The following KIFAP3 variants were observed in gnomAD, a reference collection of about 807,000 sequenced individuals.
The protein encoded by KIFAP3 is kinesin associated protein 3, also known as kinesin-associated protein 3.
Under a neutral mutation model 106.5 loss-of-function variants are expected in KIFAP3, and 68 were observed. The observed-to-expected ratio is 0.64, with a 90% CI of 0.53 to 0.78. The LOEUF (loss-of-function observed/expected upper bound fraction) is 0.78, where lower values mean the gene tolerates loss of function less well. Ranked by LOEUF, KIFAP3 falls within the 30% of genes least tolerant of loss-of-function variation. The probability of loss-of-function intolerance (pLI) is 0.00; values close to 1 mark genes in which losing one functional copy is unlikely to be tolerated. For missense variants in KIFAP3, 780 were observed against 941.8 expected (o/e 0.83, Z 2.25); for synonymous variants, 320 against 311.5 (o/e 1.03, Z -0.29).
At chr1:169,958,912 A>T (rs1386517815) in intron 18 of KIFAP3, among the ~76,000 whole-genome samples, 1 of 152,202 alleles carries the variant, frequency 6.6e-6, no homozygotes, top group Admixed American at 6.5e-5. Flanking sequence ...ATTTCACATA[A>T]TACTAAGATT....
chr1:169,994,355 T>TTA (rs1667268081), intron 10 of KIFAP3, among the ~76,000 whole-genome samples: 1 of 152,210 alleles, frequency 6.6e-6, no homozygotes, highest in African/African-American at 2.4e-5. Context: ...TTCAACATTT[T>TTA]TATATCACAA....
chr1:170,055,267 T>C (rs746741889), intron 2 of KIFAP3, 38 bp downstream of exon 2: 2 of 1,560,294 alleles, frequency 1.3e-6, no homozygotes, highest in African/African-American at 1.4e-5. Flanking sequence ...TTATATAATG[T>C]TCACTACTTT....
intron 10 of KIFAP3, among the ~76,000 whole-genome samples, chr1:170,005,266 A>G (rs1190412633): frequency 4.6e-5 from 7 of 152,202 alleles, no homozygotes; most frequent in Non-Finnish European, 8.8e-5. Context: ...GTGGGACTGT[A>G]AACTAGTTCA....
chr1:170,058,389 G>T (rs1670960115), intron 1 of KIFAP3, among the ~76,000 whole-genome samples: 1 of 152,074 alleles, frequency 6.6e-6, no homozygotes, highest in African/African-American at 2.4e-5. Context: ...CTCTCCATAT[G>T]CTCTCTGGCA....
chr1:169,965,957 T>C (rs1252197837), intron 17 of KIFAP3, among the ~76,000 whole-genome samples: 1 of 151,906 alleles, frequency 6.6e-6, no homozygotes, highest in African/African-American at 2.4e-5. Flanking sequence ...CCCTTACACA[T>C]TCCTTTAAAA....
chr1:170,081,147 A>G (rs1374055567), intron 1 of KIFAP3, among the ~76,000 whole-genome samples: 1 of 152,216 alleles, frequency 6.6e-6, no homozygotes, highest in Non-Finnish European at 1.5e-5. Context: ...CCATAAATCT[A>G]TATGACAAAA....
chr1:169,987,495 T>C (rs1440465888), intron 11 of KIFAP3, among the ~76,000 whole-genome samples: 2 of 152,052 alleles, frequency 1.3e-5, no homozygotes, highest in Non-Finnish European at 2.9e-5. Flanking sequence ...CTTTGAATGA[T>C]TATACCAGAA....
At chr1:170,005,813 A>C (rs1253281503) in intron 10 of KIFAP3, among the ~76,000 whole-genome samples, 1 of 151,524 alleles carries the variant, frequency 6.6e-6, no homozygotes, top group Non-Finnish European at 1.5e-5. Flanking sequence ...CATATGTAAC[A>C]AACCTGCACG....
intron 19 of KIFAP3, among the ~76,000 whole-genome samples, chr1:169,932,187 C>A (rs1198682381): frequency 6.6e-6 from 1 of 152,140 alleles, no homozygotes; most frequent in African/African-American, 2.4e-5. Context: ...TTTGCTTATA[C>A]TGTTTGGGGA....
At chr1:169,961,895 G>A (rs1342074037) in intron 17 of KIFAP3, among the ~76,000 whole-genome samples, 1 of 152,142 alleles carries the variant, frequency 6.6e-6, no homozygotes, top group Non-Finnish European at 1.5e-5. Flanking sequence ...CCAGTTAACA[G>A]TAGGCTATTA....
chr1:169,927,072 T>G (rs982331487), intron 19 of KIFAP3, among the ~76,000 whole-genome samples: 11 of 152,188 alleles, frequency 7.2e-5, no homozygotes, highest in African/African-American at 2.7e-4. Flanking sequence ...CTAAGTAGAT[T>G]GTTAATTGAT....
intron 17 of KIFAP3, among the ~76,000 whole-genome samples, chr1:169,968,942 G>A (rs779272146): frequency 2.0e-5 from 3 of 151,594 alleles, no homozygotes; most frequent in African/African-American, 7.3e-5. Context: ...CTAAATGTCC[G>A]CCTTTTGGTT....
chr1:170,016,818 C>T (rs1053064519), intron 9 of KIFAP3, among the ~76,000 whole-genome samples, 194 bp from the exon 10 acceptor site: 3 of 152,126 alleles, frequency 2.0e-5, no homozygotes, highest in African/African-American at 7.2e-5. Flanking sequence ...GCCACATCAT[C>T]CCCTCCTTCC....
chr1:170,046,590 G>GA, intron 3 of KIFAP3, 122 bp downstream of exon 3: 1 of 752,664 alleles, frequency 1.3e-6, no homozygotes, highest in Non-Finnish European at 2.1e-6. Flanking sequence ...TAACACTGGT[G>GA]AAAAAAACCT....
chr1:170,027,502 A>G (rs1168712455), intron 8 of KIFAP3, among the ~76,000 whole-genome samples: 1 of 152,214 alleles, frequency 6.6e-6, no homozygotes, highest in Non-Finnish European at 1.5e-5. Context: ...GAGACAAGGG[A>G]GATATAATAA....
rs770565844 is a variant in KIFAP3 at position 170,031,994 on chromosome 1, T to G, written c.743-10A>C. 1 of 1,545,698 alleles carries G rather than the reference T, an allele frequency of 6.5e-7. No homozygotes were observed. The highest frequency in any genetic ancestry group is 1.1e-5 in the South Asian group (1 of 88,536). On this transcript the variant is annotated splice_polypyrimidine_tract_variant and intron_variant, in intron 7 of 19. Transcript: ENST00000361580. ...TCAGGGTCTTCATCAAGTAAACAAC[T>G]TGTTAAGGATCATCCATACTCATTG...
chr1:169,991,728 G>A (rs1667116563), intron 11 of KIFAP3, among the ~76,000 whole-genome samples: 1 of 151,916 alleles, frequency 6.6e-6, no homozygotes, highest in Non-Finnish European at 1.5e-5. Context: ...TCATTTTTAT[G>A]TGATAAATGG....
intron 1 of KIFAP3, among the ~76,000 whole-genome samples, chr1:170,062,713 A>G (rs6668310): frequency 0.76 from 115,889 of 151,916 alleles, 44,659 homozygotes; most frequent in East Asian, 0.99. Flanking sequence ...AGTCATAGTC[A>G]AGCACATTTT....
chr1:170,006,323 G>A (rs1196917245), intron 10 of KIFAP3, among the ~76,000 whole-genome samples: 1 of 152,078 alleles, frequency 6.6e-6, no homozygotes, highest in African/African-American at 2.4e-5. Context: ...CATTGTTCTA[G>A]GTATTAGGAG....
Sources: gnomAD v4.1 joint callset for allele counts (sites outside exome capture counted in the v4.1 genomes callset) on GRCh38, gnomAD v4.1.1 for gene constraint, MANE v1.5 for transcripts, NCBI Gene and HGNC (gene_info 2026-07-23, HGNC 2026-07-21) for gene names.